Variants in FCF1 observed in about 807,000 individuals in gnomAD.
FCF1 encodes the protein FCF1 rRNA-processing protein.
In FCF1, 17 loss-of-function variants were observed where a neutral mutation model predicts 32.5. That is an observed-to-expected ratio of 0.52 (90% CI 0.36 to 0.78). The LOEUF is 0.78. Ranked by LOEUF, FCF1 falls within the 30% of genes least tolerant of loss-of-function variation. The probability of loss-of-function intolerance (pLI) is 0.00; values close to 1 mark genes in which losing one functional copy is unlikely to be tolerated. For missense variants in FCF1, 201 were observed against 241.1 expected, an observed-to-expected ratio of 0.83 and a Z score of 1.10; for synonymous variants, 84 against 78.4, an observed-to-expected ratio of 1.07 and a Z score of -0.38.
At chr14:74,714,375 A>G (rs1194030087) in intron 2 of FCF1, among the ~76,000 whole-genome samples, 1 of 152,232 alleles carries the variant, frequency 6.6e-6, no homozygotes, top group Non-Finnish European at 1.5e-5. Context: ...GTGTGGATGT[A>G]TTGTGTAATT....
intron 6 of FCF1, among the ~76,000 whole-genome samples, chr14:74,733,642 C>G (rs1244714488): frequency 1.3e-5 from 2 of 152,136 alleles, no homozygotes; most frequent in African/African-American, 4.8e-5. Flanking sequence ...CCTCTAACAT[C>G]AGTAGGCCCA....
intron 5 of FCF1, among the ~76,000 whole-genome samples, chr14:74,730,699 C>G (rs987915118): frequency 6.6e-6 from 1 of 152,070 alleles, no homozygotes; most frequent in Non-Finnish European, 1.5e-5. Context: ...GGCAACAGAG[C>G]AAGACTCCAT....
intron 4 of FCF1, among the ~76,000 whole-genome samples, chr14:74,719,199 G>A (rs1257968498): frequency 6.6e-6 from 1 of 151,216 alleles, no homozygotes; most frequent in African/African-American, 2.4e-5. Context: ...AGATGCTCAG[G>A]TGGGAGGATC....
At chr14:74,730,871 T>A (rs2090627368) in intron 5 of FCF1, among the ~76,000 whole-genome samples, 1 of 152,064 alleles carries the variant, frequency 6.6e-6, no homozygotes, top group Non-Finnish European at 1.5e-5. Context: ...TGGTGGCGCA[T>A]GCCTGTAATC....
rs142132650 is a variant in FCF1, at chr14:74,724,266, TG to T, written c.365+928del. Among the ~76,000 whole-genome samples, 1,215 of 152,180 alleles carry T rather than the reference TG, an allele frequency of 8.0e-3. 12 individuals carry two copies. Among genetic ancestry groups the T allele is most frequent in the African/African-American group, 0.028 (1,143 of 41,524 alleles). On this transcript the variant is annotated intron_variant, in intron 5 of 7. Transcript: ENST00000341162. ...AAAGGATCACAATGCCTGGTGGGTTTGGGGGGTTTTTTGTGTTTTGTTTTGT... is the reference window on the plus strand; with the variant it reads ...AAAGGATCACAATGCCTGGTGGGTTTGGGGGTTTTTTGTGTTTTGTTTTGT...
rs916629228 is a variant in FCF1 at position 74,715,782 on chromosome 14, A to G, written c.144-169A>G. ...AAGGTTGCCAGGGGAGCTGAGATTA[A>G]GATAATGATATTACTTTCTTCCTTG... On this transcript the variant is annotated intron_variant, in intron 3 of 7. Transcript: ENST00000341162. The G allele has an allele frequency of 8.0e-6, 12 of 1,492,964 alleles. No homozygotes were observed. The African/African-American group carries it at 1.7e-4, about 21-fold the overall frequency. The allele number at this position is 1,492,964 out of a possible 1,614,324, so 92.5% of individuals were successfully genotyped here. A position where few individuals can be genotyped will look rare whatever the true frequency, so the allele number is the denominator to read the frequency against.
intron 4 of FCF1, 84 bp downstream of exon 4, chr14:74,716,183 T>C: frequency 7.4e-7 from 1 of 1,354,454 alleles, no homozygotes; most frequent in South Asian, 1.3e-5. Flanking sequence ...GGAGATGGGG[T>C]TCTTGTTAAC....
At chr14:74,713,580 G>GATAT (rs774864454) in intron 2 of FCF1, 28 bp downstream of exon 2, 1 of 1,586,160 alleles carries the variant, frequency 6.3e-7, no homozygotes, top group South Asian at 1.1e-5. Flanking sequence ...ACTGCCCAGG[G>GATAT]ATATTCTAAT....
In FCF1 at chr14:74,738,243, T is replaced by G. The variant is rs2090724344; in HGVS notation, c.*3313T>G. On this transcript the variant is annotated 3_prime_UTR_variant, in exon 8 of 8. Coordinates refer to ENST00000341162, the MANE Select transcript of FCF1 (RefSeq NM_015962.5). Reference sequence around the variant, plus strand: ...TGTATTTCTTACAGAGATGGGATTTTGCCTTATTGCCCACCTTGGCCTTCT... The same window carrying G: ...TGTATTTCTTACAGAGATGGGATTTGGCCTTATTGCCCACCTTGGCCTTCT... 6.6e-6 allele frequency: 1 copy of G among 152,190 alleles called. No individual in the cohort carries two copies. Among genetic ancestry groups the G allele is most frequent in the Admixed American group, 6.6e-5 (1 of 15,262 alleles). 9.4% of individuals were successfully genotyped at this position (152,190 alleles called of 1,614,324 possible). A position where few individuals can be genotyped will look rare whatever the true frequency, so the allele number is the denominator to read the frequency against.
intron 5 of FCF1, among the ~76,000 whole-genome samples, chr14:74,725,402 C>T (rs2090562853): frequency 6.9e-6 from 1 of 144,362 alleles, no homozygotes. Context: ...ATCATTTGAG[C>T]CCAGGAGGCG....
At chr14:74,715,837 A>C in intron 3 of FCF1, 114 bp from the exon 4 acceptor site, 3 of 1,607,092 alleles carry the variant, frequency 1.9e-6, no homozygotes, top group Non-Finnish European at 2.5e-6. Context: ...TTTCCAATGA[A>C]CATGGACAAA....
intron 2 of FCF1, among the ~76,000 whole-genome samples, chr14:74,714,649 T>C (rs2090389221): frequency 6.6e-6 from 1 of 152,224 alleles, no homozygotes; most frequent in African/African-American, 2.4e-5. Flanking sequence ...ACAATTCTTA[T>C]GCATTATTGG....
intron 7 of FCF1, 92 bp from the exon 8 acceptor site, chr14:74,734,790 G>C (rs767802267): frequency 7.4e-6 from 7 of 946,496 alleles, no homozygotes; most frequent in Non-Finnish European, 1.2e-5. Flanking sequence ...ATTCACAGTG[G>C]GGGTGAGAGT....
chr14:74,721,061 T>C lies in FCF1; in HGVS notation c.293-2211T>C, dbSNP rs544221534. On this transcript the variant is annotated intron_variant, in intron 4 of 7. Transcript: ENST00000341162. Reference sequence around the variant, plus strand: ...CCCACCTAATTTTTTTTTTTTTTTTTTGAGACAGAGCCTCACTCTGTTACC... The same window carrying C: ...CCCACCTAATTTTTTTTTTTTTTTTCTGAGACAGAGCCTCACTCTGTTACC... Among the ~76,000 whole-genome samples, 284 of 150,862 alleles carry C rather than the reference T, an allele frequency of 1.9e-3. 1 individual carries two copies. Among genetic ancestry groups the C allele is most frequent in the African/African-American group, 6.7e-3 (277 of 41,128 alleles).
In FCF1 at chr14:74,728,016, A is replaced by G. The variant is rs2090595149; in HGVS notation, c.365+4672A>G. Among the ~76,000 whole-genome samples the G allele has an allele frequency of 2.0e-5, 3 of 152,130 alleles. 1 individual carries two copies. The highest frequency in any genetic ancestry group is 4.1e-4 in the South Asian group (2 of 4,826). On this transcript the variant is annotated intron_variant, in intron 5 of 7. Coordinates refer to ENST00000341162, the MANE Select transcript of FCF1 (RefSeq NM_015962.5). ...GTTTTGGTTACTGTAGCCTTGTAGT[A>G]TAGTTTGAAGTCAGGTAGTGTGATG... is the stretch of plus-strand genomic sequence containing the variant.
intron 4 of FCF1, among the ~76,000 whole-genome samples, chr14:74,718,190 G>A (rs888318711): frequency 6.6e-6 from 1 of 152,078 alleles, no homozygotes; most frequent in African/African-American, 2.4e-5. Flanking sequence ...CTTAAAGGAA[G>A]GCCTTTCTCT....
In FCF1 at chr14:74,732,154, T is replaced by TTATATA. The variant is rs57872736; in HGVS notation, c.366-567_366-562dup. Among the ~76,000 whole-genome samples, 738 of 150,042 alleles carry TTATATA rather than the reference T, an allele frequency of 4.9e-3. 6 individuals are homozygous for TTATATA. The highest frequency in any genetic ancestry group is 0.017 in the African/African-American group (707 of 40,970). On this transcript the variant is annotated intron_variant, in intron 5 of 7. Transcript: ENST00000341162. The stretch of plus-strand genomic sequence containing the variant: ...TTTGTATTTTATTAATTAAATCATA[T>TTATATA]TATATATATATATATGCATATGCCC...
chr14:74,722,493 C>T (rs2090517911), intron 4 of FCF1, among the ~76,000 whole-genome samples: 1 of 152,074 alleles, frequency 6.6e-6, no homozygotes, highest in South Asian at 2.1e-4. Flanking sequence ...AGGTTCCTCA[C>T]CTATAAAATA....
chr14:74,715,311 C>A (rs959425597), intron 3 of FCF1, among the ~76,000 whole-genome samples: 8 of 151,850 alleles, frequency 5.3e-5, no homozygotes, highest in Non-Finnish European at 5.9e-5. Flanking sequence ...AAAGATATGA[C>A]CTTTATATAA....
Sources: allele counts gnomAD v4.1 joint callset (sites outside exome capture counted in the v4.1 genomes callset), GRCh38; gene constraint gnomAD v4.1.1; transcripts MANE v1.5; gene names NCBI Gene and HGNC (gene_info 2026-07-23, HGNC 2026-07-21).